Variants in CELSR1 observed in about 807,000 individuals in gnomAD.
The protein encoded by CELSR1 is adhesion G protein-coupled receptor C1.
In CELSR1, 110 loss-of-function variants were observed where a neutral mutation model predicts 249.1. The observed-to-expected ratio is 0.44, with a 90% CI of 0.38 to 0.52. The LOEUF (loss-of-function observed/expected upper bound fraction) is 0.52. CELSR1 is among the 20% of genes least tolerant of loss of function. CELSR1 has a pLI of 0.00. For missense variants in CELSR1, 4,109 were observed against 4,296.4 expected (o/e 0.96, Z 1.22); for synonymous variants, 2,113 against 1,900.0 (o/e 1.11, Z -2.92).
In CELSR1 at chr22:46,378,717, G is replaced by A. The variant is rs778487587; in HGVS notation, c.7257C>T (p.Ala2419=). The A allele has an allele frequency of 6.5e-5, 104 of 1,611,966 alleles. No individual in the cohort carries two copies. The highest frequency in any genetic ancestry group is 1.3e-4 in the Admixed American group (8 of 59,958). Residue 2419 remains alanine, a splice_region_variant and synonymous_variant, in exon 23 of 35, where the codon GCC becomes GCT. Transcript: ENST00000674500. The part of the protein sequence containing the change: ...PVCVFWNHSL[A]VGGTGGWSAR... ...CAGACCACCCTCCCGTCCCACCAAC[G>A]CTGCGGAGAGGACAGAGAAGGGGCA... is the stretch of plus-strand genomic sequence containing the variant.
At chr22:46,420,718 C>T (rs968978266) in intron 5 of CELSR1, among the ~76,000 whole-genome samples, 7 of 152,200 alleles carry the variant, frequency 4.6e-5, no homozygotes, top group African/African-American at 1.4e-4. Flanking sequence ...TCTCTGTCCT[C>T]GATCTGGGCC....
chr22:46,501,027 A>T (rs935525508), intron 1 of CELSR1, among the ~76,000 whole-genome samples: 55 of 145,450 alleles, frequency 3.8e-4, no homozygotes, highest in Admixed American at 3.4e-3. Flanking sequence ...TTTATTTTTT[A>T]TTTTATTTTA....
intron 1 of CELSR1, among the ~76,000 whole-genome samples, chr22:46,510,730 G>T (rs1015939731): frequency 1.3e-5 from 2 of 152,200 alleles, no homozygotes; most frequent in African/African-American, 4.8e-5. Flanking sequence ...TCTAGAGTGT[G>T]TGTGCTTATC....
intron 1 of CELSR1, chr22:46,481,755 C>T: frequency 4.3e-6 from 2 of 462,560 alleles, no homozygotes; most frequent in Non-Finnish European, 4.0e-6. Context: ...CAACCCTGTG[C>T]TGCCCCAGTT....
intron 1 of CELSR1, among the ~76,000 whole-genome samples, chr22:46,520,492 C>T (rs1463010728): frequency 6.6e-6 from 1 of 152,106 alleles, no homozygotes; most frequent in Non-Finnish European, 1.5e-5. Context: ...CGGAGTCTTG[C>T]TCTTCTCACC....
At chr22:46,528,266 C>T (rs1444856409) in intron 1 of CELSR1, among the ~76,000 whole-genome samples, 1 of 152,134 alleles carries the variant, frequency 6.6e-6, no homozygotes, top group Non-Finnish European at 1.5e-5. Context: ...TAGGCAAACA[C>T]TTAGGGAAGC....
At chr22:46,509,864 G>C (rs1040583669) in intron 1 of CELSR1, among the ~76,000 whole-genome samples, 1 of 152,116 alleles carries the variant, frequency 6.6e-6, no homozygotes, top group Non-Finnish European at 1.5e-5. Context: ...CCGGCACACA[G>C]GTGAGTCCTT....
At chr22:46,444,899 C>T (rs2079800248) in intron 2 of CELSR1, among the ~76,000 whole-genome samples, 1 of 152,236 alleles carries the variant, frequency 6.6e-6, no homozygotes, top group Non-Finnish European at 1.5e-5. Flanking sequence ...AAATCTCCCT[C>T]TCCTTCCTGT....
rs1412039259 is a variant in CELSR1, at chr22:46,526,322, G to A, written c.3544+7305C>T. Among the ~76,000 whole-genome samples, 2 of 152,182 alleles carry A rather than the reference G, an allele frequency of 1.3e-5. No individual in the cohort carries two copies. Among genetic ancestry groups the A allele is most frequent in the Non-Finnish European group, 2.9e-5 (2 of 68,034 alleles). On this transcript the variant is annotated intron_variant, in intron 1 of 34. Coordinates refer to ENST00000674500, the MANE Select transcript of CELSR1 (RefSeq NM_001378328.1). This position sits in a 1 kb window ranked among gnomAD's most constrained non-coding sequence, Gnocchi z 4.7. ...CCCACTCCCAAAGCCCCTGAGACGG[G>A]CCAGTGCCACGCTAGGCTGCAGGAC...
chr22:46,368,059 G>T (rs534865213), intron 27 of CELSR1, among the ~76,000 whole-genome samples: 8 of 152,300 alleles, frequency 5.3e-5, no homozygotes, highest in African/African-American at 1.9e-4. Flanking sequence ...GACAGAGCTC[G>T]TGTTAGTGGG....
At position 46,374,464 on chromosome 22, in the gene CELSR1, A is replaced by G. The variant is rs188789248; in HGVS notation, c.7585-1407T>C. Among the ~76,000 whole-genome samples, 105 of 152,032 alleles carry G rather than the reference A, an allele frequency of 6.9e-4. No homozygotes were observed. Among genetic ancestry groups the G allele is most frequent in the African/African-American group, 2.5e-3 (102 of 41,442 alleles). ...CTGCCAGCGCTCTGAGAGATGAAAAACCTCGCCCAGAGATAGGATTGTGGG... is the reference window on the plus strand; with the variant it reads ...CTGCCAGCGCTCTGAGAGATGAAAAGCCTCGCCCAGAGATAGGATTGTGGG... On this transcript the variant is annotated intron_variant, in intron 24 of 34. Transcript: ENST00000674500. This position sits in a 1 kb window ranked among gnomAD's most constrained non-coding sequence, Gnocchi z 4.3.
chr22:46,393,994 A>G lies in CELSR1; in HGVS notation c.5964+148T>C. On this transcript the variant is annotated intron_variant, in intron 14 of 34. Coordinates refer to ENST00000674500, the MANE Select transcript of CELSR1 (RefSeq NM_001378328.1). The surrounding 1 kb of genome is among the most constrained non-coding windows in gnomAD (Gnocchi z 4.1). The stretch of plus-strand genomic sequence containing the variant: ...AGGAAACCAAAAACCACATCTGTAC[A>G]CAAATGTGATGTGAGTGGGCACAGG... 1 of 1,085,224 alleles carries G rather than the reference A, an allele frequency of 9.2e-7. No homozygotes were observed. The highest frequency in any genetic ancestry group is 1.3e-6 in the Non-Finnish European group (1 of 770,622). The allele number at this position is 1,085,224 out of a possible 1,614,324, so 67.2% of individuals were successfully genotyped here.
intron 1 of CELSR1, among the ~76,000 whole-genome samples, chr22:46,492,231 C>T (rs1198707638): frequency 2.6e-5 from 4 of 152,210 alleles, no homozygotes; most frequent in Non-Finnish European, 5.9e-5. Flanking sequence ...AAGATCTCCA[C>T]GTTCACAGGC....
chr22:46,536,749 G>T lies in CELSR1; in HGVS notation c.422C>A (p.Ala141Asp). 1.7e-6 allele frequency: 2 copies of T among 1,172,900 alleles called. No homozygotes were observed. The highest frequency in any genetic ancestry group is 1.1e-6 in the Non-Finnish European group (1 of 952,332). The allele number at this position is 1,172,900 out of a possible 1,614,324, so 72.7% of individuals were successfully genotyped here. Residue 141 changes from alanine to aspartate, a missense_variant, in exon 1 of 35, where the codon GCC becomes GAC. Transcript: ENST00000674500. ...LCFPVPGGCA[A>D]AQHSALAAPT... ...AGCTGCGAGCGCCGAATGCTGCGCGGCCGCGCAGCCGCCGGGGACGGGGAA... is the reference window on the plus strand; with the variant it reads ...AGCTGCGAGCGCCGAATGCTGCGCGTCCGCGCAGCCGCCGGGGACGGGGAA...
At chr22:46,516,646 T>G (rs1398845087) in intron 1 of CELSR1, among the ~76,000 whole-genome samples, 1 of 152,126 alleles carries the variant, frequency 6.6e-6, no homozygotes, top group Non-Finnish European at 1.5e-5. Context: ...GGCCAGGACA[T>G]ACTTTTCAAA....
At chr22:46,516,454 T>C (rs1261473722) in intron 1 of CELSR1, among the ~76,000 whole-genome samples, 1 of 151,924 alleles carries the variant, frequency 6.6e-6, no homozygotes, top group Non-Finnish European at 1.5e-5. Context: ...CCGGGGCCTG[T>C]TGTGGGGTTG....
intron 1 of CELSR1, among the ~76,000 whole-genome samples, chr22:46,465,587 C>T (rs1053909098): frequency 6.6e-6 from 1 of 152,218 alleles, no homozygotes; most frequent in African/African-American, 2.4e-5. Flanking sequence ...GGCACAGCGG[C>T]ACGCGGGGAT....
At chr22:46,392,838 C>T (rs563949818) in intron 14 of CELSR1, among the ~76,000 whole-genome samples, 9 of 152,298 alleles carry the variant, frequency 5.9e-5, no homozygotes, top group African/African-American at 2.2e-4. Flanking sequence ...TGATTACAGG[C>T]ATGAGCCACC....
chr22:46,387,822 G>A (rs564364225), intron 18 of CELSR1, among the ~76,000 whole-genome samples: 122 of 152,264 alleles, frequency 8.0e-4, no homozygotes, highest in African/African-American at 2.9e-3. Context: ...GGGAAGACAT[G>A]TGGCGATGCC....
Sources: gnomAD v4.1 joint callset for allele counts (sites outside exome capture counted in the v4.1 genomes callset) on GRCh38, gnomAD v4.1.1 for gene constraint, Gnocchi (gnomAD v3.1) non-coding constraint, MANE v1.5 for transcripts, NCBI Gene and HGNC (gene_info 2026-07-23, HGNC 2026-07-21) for gene names.